The following ROBO2 variants were observed in gnomAD, a reference collection of about 807,000 sequenced individuals.
ROBO2 encodes the protein roundabout guidance receptor 2.
A neutral mutation model predicts 160.8 loss-of-function variants in ROBO2; 53 were observed. That is an observed-to-expected ratio of 0.33 (90% CI 0.26 to 0.41). ROBO2 has a LOEUF of 0.41. ROBO2 is among the 10% of genes least tolerant of loss of function. The pLI is 1.00. For synonymous variants in ROBO2, 664 were observed against 611.7 expected (o/e 1.09, Z -1.26); for missense variants, 1,577 against 1,722.4 (o/e 0.92, Z 1.49).
intron 6 of ROBO2, among the ~76,000 whole-genome samples, chr3:77,545,877 C>T (rs1281059208): frequency 1.3e-5 from 2 of 151,806 alleles, no homozygotes; most frequent in South Asian, 4.2e-4. Context: ...TATTTTATAC[C>T]CTTTGGTATC....
At chr3:77,456,215 AC>A (rs959105137) in intron 2 of ROBO2, among the ~76,000 whole-genome samples, 20 of 152,294 alleles carry the variant, frequency 1.3e-4, no homozygotes, top group African/African-American at 4.1e-4. Context: ...TACAAAGTGA[AC>A]TTTTTTATAA....
chr3:76,085,102 CATAT>C (rs67886090), intron 2 of ROBO2, among the ~76,000 whole-genome samples: 55,551 of 148,734 alleles, frequency 0.37, 10,818 homozygotes, highest in South Asian at 0.56. Context: ...CCCCAGTTTA[CATAT>C]ATATATATAT....
At chr3:77,320,781 A>G (rs1017036509) in intron 2 of ROBO2, among the ~76,000 whole-genome samples, 7 of 152,178 alleles carry the variant, frequency 4.6e-5, no homozygotes, top group African/African-American at 7.2e-5. Flanking sequence ...GTAGACTACA[A>G]GCGATTTAAA....
intron 5 of ROBO2, among the ~76,000 whole-genome samples, chr3:77,494,109 A>G (rs2086480399): frequency 6.6e-6 from 1 of 152,330 alleles, no homozygotes; most frequent in East Asian, 1.9e-4. Flanking sequence ...GAATGAAATA[A>G]GTAATTCAAG....
intron 2 of ROBO2, among the ~76,000 whole-genome samples, chr3:76,508,013 T>A (rs916741030): frequency 2.0e-5 from 3 of 152,176 alleles, no homozygotes; most frequent in African/African-American, 7.2e-5. Context: ...TATATGTATG[T>A]CACTTATCTA....
At chr3:76,713,563 A>G (rs1484788805) in intron 2 of ROBO2, among the ~76,000 whole-genome samples, 1 of 152,164 alleles carries the variant, frequency 6.6e-6, no homozygotes. Context: ...TTCACTTTTT[A>G]AAAACTTACT....
intron 2 of ROBO2, among the ~76,000 whole-genome samples, chr3:76,603,431 C>A (rs1488791873): frequency 9.0e-5 from 12 of 133,324 alleles, no homozygotes; most frequent in Middle Eastern, 4.9e-3. Context: ...TGAATATTTG[C>A]CCAATTCTTA....
At chr3:76,100,996 A>C (rs2069660242) in intron 2 of ROBO2, among the ~76,000 whole-genome samples, 1 of 152,182 alleles carries the variant, frequency 6.6e-6, no homozygotes, top group Non-Finnish European at 1.5e-5. Context: ...AGATAATTGA[A>C]AACATTTTAA....
At chr3:76,388,091 C>G (rs1017031332) in intron 2 of ROBO2, among the ~76,000 whole-genome samples, 1 of 152,094 alleles carries the variant, frequency 6.6e-6, no homozygotes, top group Non-Finnish European at 1.5e-5. Flanking sequence ...TTCCATGCTT[C>G]CCTTTTGTAA....
At chr3:77,423,123 A>G (rs1199013291) in intron 2 of ROBO2, among the ~76,000 whole-genome samples, 1 of 152,160 alleles carries the variant, frequency 6.6e-6, no homozygotes, top group African/African-American at 2.4e-5. Flanking sequence ...ATTGGACCAA[A>G]AGCATCAAAA....
In ROBO2 at chr3:77,392,572, G is replaced by T. The variant is rs114520536; in HGVS notation, c.389-84842G>T. On this transcript the variant is annotated intron_variant, in intron 2 of 25. Coordinates refer to ENST00000461745, the Ensembl canonical transcript of ROBO2. ...ATATATTGTGGAGGTATTTGCAATT[G>T]CAGTAATAAATATGTGTTCTACACT... Among the ~76,000 whole-genome samples, 1,241 of 152,194 alleles carry T rather than the reference G, an allele frequency of 8.2e-3. 19 individuals carry two copies. The highest frequency in any genetic ancestry group is 0.028 in the African/African-American group (1,183 of 41,524).
At chr3:76,345,956 C>G (rs1198611849) in intron 2 of ROBO2, among the ~76,000 whole-genome samples, 1 of 152,016 alleles carries the variant, frequency 6.6e-6, no homozygotes, top group Non-Finnish European at 1.5e-5. Context: ...TTATTCCCAA[C>G]TGATCTCGGT....
chr3:76,653,484 C>T (rs1438531863), intron 2 of ROBO2, among the ~76,000 whole-genome samples: 1 of 151,446 alleles, frequency 6.6e-6, no homozygotes, highest in Non-Finnish European at 1.5e-5. Context: ...TCAAATTATT[C>T]GACAAAGCCA....
At chr3:76,410,282 A>G (rs1174825977) in intron 2 of ROBO2, among the ~76,000 whole-genome samples, 3 of 152,040 alleles carry the variant, frequency 2.0e-5, no homozygotes, top group Non-Finnish European at 4.4e-5. Flanking sequence ...CTTTGCACTA[A>G]TCTATGTTAT....
intron 2 of ROBO2, among the ~76,000 whole-genome samples, chr3:76,401,072 A>C (rs1488445155): frequency 1.3e-5 from 2 of 151,530 alleles, no homozygotes; most frequent in African/African-American, 2.4e-5. Context: ...GGTCAAAATA[A>C]TGAGATAGGA....
At chr3:76,328,908 T>TTATATATATATATA (rs201466987) in intron 2 of ROBO2, among the ~76,000 whole-genome samples, 49 of 135,996 alleles carry the variant, frequency 3.6e-4, no homozygotes, top group African/African-American at 8.3e-4. Context: ...ATTTATGTTA[T>TTATATATATATATA]TATATATATA....
At chr3:77,222,288 A>G (rs371667739) in intron 2 of ROBO2, among the ~76,000 whole-genome samples, 8 of 152,214 alleles carry the variant, frequency 5.3e-5, no homozygotes, top group East Asian at 3.8e-4. Context: ...CTACATTGTC[A>G]ATATGAATAA....
intron 2 of ROBO2, among the ~76,000 whole-genome samples, chr3:76,957,220 A>T (rs886848572): frequency 6.6e-6 from 1 of 151,608 alleles, no homozygotes; most frequent in African/African-American, 2.4e-5. Flanking sequence ...TGTGGTTTTG[A>T]TTGATTATAT....
intron 2 of ROBO2, among the ~76,000 whole-genome samples, chr3:77,322,282 T>C (rs1024417634): frequency 6.6e-6 from 1 of 152,190 alleles, no homozygotes; most frequent in Non-Finnish European, 1.5e-5. Flanking sequence ...GAAGGAATTA[T>C]GTTTGACACT....
Sources: gnomAD v4.1 joint callset for allele counts (sites outside exome capture counted in the v4.1 genomes callset) on GRCh38, gnomAD v4.1.1 for gene constraint, MANE v1.5 for transcripts, NCBI Gene and HGNC (gene_info 2026-07-23, HGNC 2026-07-21) for gene names.